CD244: variants seen among roughly 807,000 people sequenced by gnomAD.
The protein encoded by CD244 is natural killer cell receptor 2B4.
In CD244, 20 loss-of-function variants were observed where a neutral mutation model predicts 45.5. The observed-to-expected ratio is 0.44, with a 90% CI of 0.31 to 0.64. The LOEUF (loss-of-function observed/expected upper bound fraction) is 0.64. Among genes scored for constraint, CD244 ranks in the 30% least tolerant of loss-of-function variants. CD244 has a pLI of 0.08. For missense variants in CD244, 407 were observed against 426.9 expected (o/e 0.95, Z 0.41); for synonymous variants, 185 against 160.5 (o/e 1.15, Z -1.15).
chr1:160,830,943 G>A lies in CD244; in HGVS notation c.*404C>T, dbSNP rs768308148. 12 of 165,686 alleles carry A rather than the reference G, an allele frequency of 7.2e-5. No homozygotes were observed. The highest frequency in any genetic ancestry group is 1.1e-4 in the Admixed American group (2 of 17,434). The allele number at this position is 165,686 out of a possible 1,614,324, so 10.3% of individuals were successfully genotyped here. A position where few individuals can be genotyped will look rare whatever the true frequency, so the allele number is the denominator to read the frequency against. ...ATCATTCCTTCCTCTTGCTTTGGAA[G>A]ATGGGCCTGGGCCGGCGAGAGTCTA... On this transcript the variant is annotated 3_prime_UTR_variant, in exon 9 of 9. Coordinates refer to ENST00000368034, the MANE Select transcript of CD244 (RefSeq NM_016382.4).
chr1:160,844,943 C>T (rs949614365), intron 1 of CD244, among the ~76,000 whole-genome samples: 1 of 150,824 alleles, frequency 6.6e-6, no homozygotes, highest in Admixed American at 6.6e-5. Context: ...TGCCACTGCA[C>T]TCTAGCCTGC....
At position 160,830,604 on chromosome 1, in the gene CD244, C is replaced by T. The variant is rs1312495562; in HGVS notation, c.*743G>A. 1 of 152,340 alleles carries T rather than the reference C, an allele frequency of 6.6e-6. No individual in the cohort carries two copies. Among genetic ancestry groups the T allele is most frequent in the Non-Finnish European group, 1.5e-5 (1 of 68,050 alleles). 9.4% of individuals were successfully genotyped at this position (152,340 alleles called of 1,614,324 possible). A position where few individuals can be genotyped will look rare whatever the true frequency, so the allele number is the denominator to read the frequency against. ...AAATGGATTTCTAACAATGCGTCTTCATAAATCAAACATCATACCATGGAC... is the reference window on the plus strand; with the variant it reads ...AAATGGATTTCTAACAATGCGTCTTTATAAATCAAACATCATACCATGGAC... On this transcript the variant is annotated 3_prime_UTR_variant, in exon 9 of 9. Transcript: ENST00000368034.
intron 1 of CD244, among the ~76,000 whole-genome samples, chr1:160,842,948 G>A (rs189821260): frequency 7.7e-4 from 117 of 152,310 alleles, no homozygotes; most frequent in Middle Eastern, 3.4e-3. Context: ...AAGTCTCTCT[G>A]GGTGAGTTGG....
intron 3 of CD244, 120 bp from the exon 4 acceptor site, chr1:160,839,169 C>A: frequency 1.5e-6 from 1 of 663,518 alleles, no homozygotes; most frequent in East Asian, 2.8e-5. Context: ...CTGATTGCCT[C>A]GTGCTCTGAG....
At chr1:160,845,619 GC>G (rs1407697314) in intron 1 of CD244, among the ~76,000 whole-genome samples, 1 of 152,170 alleles carries the variant, frequency 6.6e-6, no homozygotes, top group Non-Finnish European at 1.5e-5. Context: ...ACTTTGGGAG[GC>G]CCAGGTGGAT....
intron 8 of CD244, 55 bp downstream of exon 8, chr1:160,832,464 G>T: frequency 9.1e-7 from 1 of 1,095,966 alleles, no homozygotes; most frequent in South Asian, 1.5e-5. Flanking sequence ...TTCATGGCTA[G>T]ATTTCAGGGC....
rs577322823 is a variant in CD244, at chr1:160,842,694, T to A, written c.62-793A>T. 2.6e-4 allele frequency among the ~76,000 whole-genome samples: 40 copies of A among 152,226 alleles called. No homozygotes were observed. In the South Asian group the frequency reaches 3.5e-3, roughly 13 times the overall value. ...GTCATTACTTATTGATGTTTGCCAGTTTTTCAGTGATCAGAAAGTCTCCAC... is the reference window on the plus strand; with the variant it reads ...GTCATTACTTATTGATGTTTGCCAGATTTTCAGTGATCAGAAAGTCTCCAC... On this transcript the variant is annotated intron_variant, in intron 1 of 8. Coordinates refer to ENST00000368034, the MANE Select transcript of CD244 (RefSeq NM_016382.4).
chr1:160,842,212 C>A lies in CD244; in HGVS notation c.62-311G>T, dbSNP rs528420405. On this transcript the variant is annotated intron_variant, in intron 1 of 8. Transcript: ENST00000368034. ...TATGATGAGTTAAAAGAATGATGAG[C>A]CTGAAACCTAGTCAGTTTGGTGTTA... is the stretch of plus-strand genomic sequence containing the variant. Among the ~76,000 whole-genome samples the A allele has an allele frequency of 6.8e-4, 104 of 152,112 alleles. 3 individuals are homozygous for A. In the South Asian group the frequency reaches 0.021, roughly 30 times the overall value.
chr1:160,846,658 T>G (rs1324797058), intron 1 of CD244, among the ~76,000 whole-genome samples: 1 of 152,180 alleles, frequency 6.6e-6, no homozygotes, highest in African/African-American at 2.4e-5. Flanking sequence ...AAAGTGAGAC[T>G]GTCTCAAAAA....
chr1:160,845,856 CAAAA>C (rs61093310), intron 1 of CD244, among the ~76,000 whole-genome samples: 1 of 105,674 alleles, frequency 9.5e-6, no homozygotes, highest in Non-Finnish European at 2.1e-5. Flanking sequence ...AACTCTGTCT[CAAAA>C]AAAAAAAAAG....
intron 1 of CD244, among the ~76,000 whole-genome samples, chr1:160,849,304 C>CTTTTTTTTTTTT (rs1557840584): frequency 9.2e-6 from 1 of 108,474 alleles, no homozygotes. Context: ...TTTTGTTTTA[C>CTTTTTTTTTTTT]TTTAAGTTCT....
intron 1 of CD244, among the ~76,000 whole-genome samples, chr1:160,849,304 C>CTTTTTTTTTTTTTTTTTTTT (rs1557840584): frequency 9.2e-6 from 1 of 108,474 alleles, no homozygotes. Flanking sequence ...TTTTGTTTTA[C>CTTTTTTTTTTTTTTTTTTTT]TTTAAGTTCT....
rs912091799 is a variant in CD244, at chr1:160,830,775, T to C, written c.*572A>G. 2.0e-5 allele frequency: 3 copies of C among 153,446 alleles called. No homozygotes were observed. Among genetic ancestry groups the C allele is most frequent in the African/African-American group, 4.8e-5 (2 of 41,464 alleles). The allele number at this position is 153,446 out of a possible 1,614,324, so 9.5% of individuals were successfully genotyped here. On this transcript the variant is annotated 3_prime_UTR_variant, in exon 9 of 9. Coordinates refer to ENST00000368034, the MANE Select transcript of CD244 (RefSeq NM_016382.4). ...ACTGGCCAGAGGTAAAGGTATGAGA[T>C]GCAGGGAGAAAGTTTTTTCTCTGCA... is the stretch of plus-strand genomic sequence containing the variant.
At chr1:160,852,813 A>C (rs1669965840) in intron 1 of CD244, among the ~76,000 whole-genome samples, 1 of 152,178 alleles carries the variant, frequency 6.6e-6, no homozygotes, top group East Asian at 1.9e-4. Flanking sequence ...ACCTGAGGTC[A>C]GGAGTTTGAG....
In CD244 at chr1:160,841,136, T is replaced by C. The variant is rs1273052965; in HGVS notation, c.655+74A>G. The C allele has an allele frequency of 3.5e-6, 5 of 1,437,630 alleles. No individual in the cohort carries two copies. The African/African-American group carries it at 7.0e-5, about 20-fold the overall frequency. 89.1% of individuals were successfully genotyped at this position (1,437,630 alleles called of 1,614,324 possible). ...CCAAGGGATTTTATCTCATACCACA[T>C]CTGTCTTGCACATGAGCCTGGTTGC... On this transcript the variant is annotated intron_variant, in intron 3 of 8. Transcript: ENST00000368034.
intron 1 of CD244, among the ~76,000 whole-genome samples, chr1:160,846,851 A>G (rs1409706957): frequency 5.3e-5 from 8 of 152,222 alleles, no homozygotes; most frequent in African/African-American, 1.9e-4. Flanking sequence ...GTAATTTGTG[A>G]CAATAAAAGT....
intron 7 of CD244, among the ~76,000 whole-genome samples, chr1:160,833,487 ACT>A (rs1310413669): frequency 1.3e-5 from 2 of 152,108 alleles, no homozygotes; most frequent in Non-Finnish European, 2.9e-5. Flanking sequence ...AGGATACCCA[ACT>A]CTGTTTCCAA....
chr1:160,848,212 A>G (rs1418539506), intron 1 of CD244: 1 of 541,132 alleles, frequency 1.8e-6, no homozygotes, highest in East Asian at 4.9e-5. Flanking sequence ...TTGACATCAC[A>G]CACCATAATG....
intron 7 of CD244, among the ~76,000 whole-genome samples, chr1:160,833,168 A>G (rs527801306): frequency 4.6e-5 from 7 of 152,270 alleles, no homozygotes; most frequent in African/African-American, 1.4e-4. Flanking sequence ...GCAGGTGAAC[A>G]TGGTGCCTGT....
Sources: allele counts gnomAD v4.1 joint callset (sites outside exome capture counted in the v4.1 genomes callset), GRCh38; gene constraint gnomAD v4.1.1; transcripts MANE v1.5; gene names NCBI Gene and HGNC (gene_info 2026-07-23, HGNC 2026-07-21).